MPC2: variants seen among roughly 807,000 people sequenced by gnomAD.
MPC2 encodes the protein brain protein 44.
In MPC2, 19 loss-of-function variants were observed where a neutral mutation model predicts 19.2. The observed-to-expected ratio is 0.99, with a 90% CI of 0.69 to 1.45. The LOEUF (loss-of-function observed/expected upper bound fraction) is 1.45. MPC2 is among the 40% of genes most tolerant of loss of function. The pLI is 0.00. For synonymous variants in MPC2, 61 were observed against 54.3 expected, an observed-to-expected ratio of 1.12 and a Z score of -0.54; for missense variants, 122 against 153.0, an observed-to-expected ratio of 0.80 and a Z score of 1.07.
intron 3 of MPC2, among the ~76,000 whole-genome samples, chr1:167,920,853 TCA>T (rs1247446180): frequency 1.3e-5 from 2 of 152,198 alleles, no homozygotes; most frequent in Non-Finnish European, 2.9e-5. Context: ...CTAAGCAGTC[TCA>T]CATATCTGAA....
chr1:167,936,777 C>G, intron 1 of MPC2, 162 bp downstream of exon 1: 1 of 743,162 alleles, frequency 1.3e-6, no homozygotes, highest in South Asian at 1.8e-5. Context: ...GCTGCCACCG[C>G]CATCTAACGC....
chr1:167,920,036 A>G lies in MPC2; in HGVS notation c.290T>C (p.Phe97Ser). The G allele has an allele frequency of 6.2e-7, 1 of 1,613,772 alleles. No individual in the cohort carries two copies. Among genetic ancestry groups the G allele is most frequent in the South Asian group, 1.1e-5 (1 of 91,018 alleles). The change falls in exon 5 of 6, where the codon TTT becomes TCT. Residue 97 changes from phenylalanine (F) to serine (S), a missense_variant. Phe to Ser is a radical substitution (Grantham distance 155, BLOSUM62 -2). Coordinates refer to ENST00000271373, the MANE Select transcript of MPC2 (RefSeq NM_001143674.4). ...LVIIPKNWSL[F>S]AVNFFVGAAG... ...TGCCCCCACAAAGAAATTAACAGCAAACAGACTCCAATTTTTTGGAATAAT... is the reference window on the plus strand; with the variant it reads ...TGCCCCCACAAAGAAATTAACAGCAGACAGACTCCAATTTTTTGGAATAAT...
At chr1:167,921,729 T>A (rs183163507) in intron 3 of MPC2, among the ~76,000 whole-genome samples, 2,696 of 152,144 alleles carry the variant, frequency 0.018, 48 homozygotes, top group East Asian at 0.068. Context: ...TGTTTTTTTT[T>A]AAAAAAACTA....
intron 2 of MPC2, among the ~76,000 whole-genome samples, chr1:167,932,692 C>T (rs1440082034): frequency 2.0e-5 from 3 of 151,582 alleles, no homozygotes; most frequent in African/African-American, 7.3e-5. Context: ...GCCTGTAATC[C>T]CAGCTACTCA....
At chr1:167,932,896 G>A (rs930185009) in intron 2 of MPC2, among the ~76,000 whole-genome samples, 4 of 151,896 alleles carry the variant, frequency 2.6e-5, no homozygotes, top group Non-Finnish European at 5.9e-5. Context: ...GACAAACACT[G>A]GAGTACAGCT....
chr1:167,918,973 G>T (rs1670536277), intron 5 of MPC2, among the ~76,000 whole-genome samples: 1 of 152,010 alleles, frequency 6.6e-6, no homozygotes, highest in African/African-American at 2.4e-5. Flanking sequence ...TCTCATTCTG[G>T]AATTCTACAA....
chr1:167,935,846 G>A lies in MPC2; in HGVS notation c.-5C>T, dbSNP rs777928479. On this transcript the variant is annotated 5_prime_UTR_variant, in exon 2 of 6. Coordinates refer to ENST00000271373, the MANE Select transcript of MPC2 (RefSeq NM_001143674.4). ...TCGGGCACCGGCGGCCGACATCGCCGCCGAGGGATCGTTGGCAGCCGGGTG... is the reference window on the plus strand; with the variant it reads ...TCGGGCACCGGCGGCCGACATCGCCACCGAGGGATCGTTGGCAGCCGGGTG... 5 of 1,548,738 alleles carry A rather than the reference G, an allele frequency of 3.2e-6. No individual in the cohort carries two copies. Among genetic ancestry groups the A allele is most frequent in the South Asian group, 2.4e-5 (2 of 84,032 alleles).
intron 1 of MPC2, chr1:167,936,611 A>G: frequency 2.8e-6 from 1 of 352,980 alleles, no homozygotes; most frequent in Non-Finnish European, 5.2e-6. Flanking sequence ...GAGAGGGAGG[A>G]GTCGCCATCG....
chr1:167,920,110 CT>C lies in MPC2; in HGVS notation c.236-21del. 6.7e-7 allele frequency: 1 copy of C among 1,497,098 alleles called. No homozygotes were observed. The highest frequency in any genetic ancestry group is 9.3e-7 in the Non-Finnish European group (1 of 1,080,206). 92.7% of individuals were successfully genotyped at this position (1,497,098 alleles called of 1,614,324 possible). A position where few individuals can be genotyped will look rare whatever the true frequency, so the allele number is the denominator to read the frequency against. On this transcript the variant is annotated intron_variant, in intron 4 of 5. Coordinates refer to ENST00000271373, the MANE Select transcript of MPC2 (RefSeq NM_001143674.4). ...TAAACCCTGTTGAAACAAAATGTTA[CT>C]TTAAAAAGAATACATACTGCTTCAA... is the stretch of plus-strand genomic sequence containing the variant.
intron 4 of MPC2, among the ~76,000 whole-genome samples, 188 bp downstream of exon 4, chr1:167,920,359 C>T (rs1402749329): frequency 3.3e-5 from 5 of 152,130 alleles, no homozygotes; most frequent in Non-Finnish European, 7.4e-5. Flanking sequence ...AAAGCAAAAG[C>T]CCATTCAGAT....
At chr1:167,928,050 T>C (rs77443108) in intron 2 of MPC2, among the ~76,000 whole-genome samples, 1,534 of 152,072 alleles carry the variant, frequency 0.01, 24 homozygotes, top group African/African-American at 0.035. Flanking sequence ...TTTTCTTAAC[T>C]GTTAAAAAAA....
intron 2 of MPC2, among the ~76,000 whole-genome samples, chr1:167,933,428 A>C (rs1348334086): frequency 6.6e-6 from 1 of 152,242 alleles, no homozygotes; most frequent in East Asian, 1.9e-4. Context: ...CAGCCTCCCA[A>C]AGTGCTGGGA....
rs77188947 is a variant in MPC2 at position 167,935,790 on chromosome 1, C to T, written c.52G>A (p.Asp18Asn). The change falls in exon 2 of 6, where the codon GAT becomes AAT. Residue 18 changes from aspartate (D) to asparagine (N), a missense_variant. By Grantham distance (23) the Asp-to-Asn change is conservative. Coordinates refer to ENST00000271373, the MANE Select transcript of MPC2 (RefSeq NM_001143674.4). ...GLRATYHRLL[D>N]KVELMLPEKL... ...TCGGGCAGCATCAGCTCCACTTTAT[C>T]GAGGAGCCGGTGGTAGGTGGCCCGC... 3.9e-3 allele frequency: 6,097 copies of T among 1,561,488 alleles called. 106 individuals are homozygous for T. The East Asian group carries it at 0.052, about 13-fold the overall frequency.
intron 2 of MPC2, among the ~76,000 whole-genome samples, chr1:167,929,494 T>C (rs1670848196): frequency 6.6e-6 from 1 of 152,224 alleles, no homozygotes; most frequent in Non-Finnish European, 1.5e-5. Flanking sequence ...ATTCTAACTT[T>C]TCATAGAATT....
intron 2 of MPC2, among the ~76,000 whole-genome samples, chr1:167,932,961 C>A (rs373573581): frequency 3.3e-5 from 5 of 151,926 alleles, no homozygotes; most frequent in Non-Finnish European, 5.9e-5. Flanking sequence ...GGGGATAATG[C>A]GGGGACTGAC....
In MPC2 at chr1:167,918,202, A is replaced by G; in HGVS notation, c.*121T>C. ...GCATTTTTCTATTGAATCAAGAACTAGCTACCAGTTACAGTGCCTTCTAAA... is the reference window on the plus strand; with the variant it reads ...GCATTTTTCTATTGAATCAAGAACTGGCTACCAGTTACAGTGCCTTCTAAA... On this transcript the variant is annotated 3_prime_UTR_variant, in exon 6 of 6. Coordinates refer to ENST00000271373, the MANE Select transcript of MPC2 (RefSeq NM_001143674.4). The G allele has an allele frequency of 1.4e-6, 1 of 695,088 alleles. No homozygotes were observed. The highest frequency in any genetic ancestry group is 2.4e-6 in the Non-Finnish European group (1 of 421,352). The allele number at this position is 695,088 out of a possible 1,614,324, so 43.1% of individuals were successfully genotyped here.
intron 3 of MPC2, 89 bp from the exon 4 acceptor site, chr1:167,920,720 T>C (rs1670579398): frequency 3.2e-6 from 4 of 1,267,752 alleles, no homozygotes; most frequent in Non-Finnish European, 4.3e-6. Context: ...ATTTTTGAGA[T>C]TTCCGTAAGT....
At chr1:167,918,712 G>GC in intron 5 of MPC2, among the ~76,000 whole-genome samples, 1 of 150,868 alleles carries the variant, frequency 6.6e-6, no homozygotes, top group African/African-American at 2.4e-5. Context: ...TCCTGCCTCA[G>GC]CCCCCCGAGT....
At chr1:167,928,344 A>G (rs1274346689) in intron 2 of MPC2, among the ~76,000 whole-genome samples, 1 of 152,116 alleles carries the variant, frequency 6.6e-6, no homozygotes, top group Non-Finnish European at 1.5e-5. Context: ...AAGTCACACA[A>G]TGGGTTAACA....
Sources: gnomAD v4.1 joint callset for allele counts (sites outside exome capture counted in the v4.1 genomes callset) on GRCh38, gnomAD v4.1.1 for gene constraint, MANE v1.5 for transcripts, NCBI Gene and HGNC (gene_info 2026-07-23, HGNC 2026-07-21) for gene names.